The following POLE2 variants were observed in gnomAD, a reference collection of about 807,000 sequenced individuals.
POLE2 encodes the protein DNA polymerase epsilon 2, accessory subunit.
POLE2 carries 56 observed loss-of-function variants against 79.4 expected under a neutral mutation model. The ratio of observed to expected loss-of-function variants is 0.71; its 90% confidence interval spans 0.57 to 0.88. The LOEUF (loss-of-function observed/expected upper bound fraction) is 0.88, where lower values mean the gene tolerates loss of function less well. Among genes scored for constraint, POLE2 ranks in the 40% least tolerant of loss-of-function variants. The pLI is 0.00. For synonymous variants in POLE2, 212 were observed against 214.0 expected (o/e 0.99, Z 0.08); for missense variants, 598 against 638.9 (o/e 0.94, Z 0.69).
At chr14:49,685,241 C>T (rs892242965) in intron 1 of POLE2, among the ~76,000 whole-genome samples, 1 of 152,034 alleles carries the variant, frequency 6.6e-6, no homozygotes, top group Non-Finnish European at 1.5e-5. Context: ...TATTGGGTTG[C>T]TTTATTAGTT....
intron 6 of POLE2, among the ~76,000 whole-genome samples, 162 bp from the exon 7 acceptor site, chr14:49,666,575 G>C (rs1885508761): frequency 6.6e-6 from 1 of 152,038 alleles, no homozygotes; most frequent in African/African-American, 2.4e-5. Context: ...ATTAAACTTA[G>C]GATGTTTAAT....
intron 1 of POLE2, among the ~76,000 whole-genome samples, chr14:49,685,308 T>TTA (rs1170418707): frequency 6.6e-6 from 1 of 152,212 alleles, no homozygotes; most frequent in East Asian, 1.9e-4. Context: ...GAGAACTGAA[T>TTA]TATAGATAAC....
chr14:49,644,402 C>T (rs894716036), intron 18 of POLE2, among the ~76,000 whole-genome samples: 1 of 150,300 alleles, frequency 6.7e-6, no homozygotes, highest in Non-Finnish European at 1.5e-5. Context: ...CCCAGCTACT[C>T]GGGAGGTTGA....
At chr14:49,651,866 C>T (rs992891773) in intron 15 of POLE2, among the ~76,000 whole-genome samples, 2 of 152,062 alleles carry the variant, frequency 1.3e-5, no homozygotes, top group East Asian at 1.9e-4. Context: ...CCAGAGGAAG[C>T]GCACTGCAGG....
At chr14:49,657,088 G>T (rs2139630346) in intron 10 of POLE2, among the ~76,000 whole-genome samples, 1 of 150,086 alleles carries the variant, frequency 6.7e-6, no homozygotes, top group East Asian at 1.9e-4. Flanking sequence ...ACTCCAGCTT[G>T]GGCAACAAAG....
intron 3 of POLE2, chr14:49,677,566 T>A: frequency 2.1e-6 from 1 of 481,250 alleles, no homozygotes; most frequent in South Asian, 3.1e-5. Context: ...GTGCACCATC[T>A]CCTACTGAGC....
At chr14:49,663,803 C>T (rs45569243) in intron 9 of POLE2, among the ~76,000 whole-genome samples, 1,492 of 147,868 alleles carry the variant, frequency 0.01, 22 homozygotes, top group African/African-American at 0.035. Context: ...CTGAGGCGGG[C>T]GGATCACAAG....
At chr14:49,645,586 A>G (rs1648083131) in intron 18 of POLE2, among the ~76,000 whole-genome samples, 1 of 152,242 alleles carries the variant, frequency 6.6e-6, no homozygotes, top group African/African-American at 2.4e-5. Context: ...AGATAAAGGA[A>G]GCAACTATTT....
At chr14:49,656,306 A>C (rs1287236922) in intron 10 of POLE2, among the ~76,000 whole-genome samples, 2 of 150,972 alleles carry the variant, frequency 1.3e-5, no homozygotes, top group African/African-American at 4.9e-5. Flanking sequence ...CAGTGAGCCG[A>C]GATTGCGCCA....
intron 3 of POLE2, chr14:49,679,373 A>G (rs908188689): frequency 4.6e-5 from 8 of 175,052 alleles, no homozygotes; most frequent in Non-Finnish European, 8.4e-5. Flanking sequence ...ACTTCTCTGG[A>G]CATGGTACTT....
chr14:49,655,627 AC>A lies in POLE2; in HGVS notation c.928+43del, dbSNP rs201714354. 1,286 of 1,352,842 alleles carry A rather than the reference AC, an allele frequency of 9.5e-4. 15 individuals carry two copies. The East Asian group carries it at 0.017, about 18-fold the overall frequency. The allele number at this position is 1,352,842 out of a possible 1,614,324, so 83.8% of individuals were successfully genotyped here. ...ATACTCAAAAAGTTTTAAAACATGA[AC>A]CCTTAAAAGAGTTCAAGAAAGAAGA... On this transcript the variant is annotated intron_variant, in intron 11 of 18. Coordinates refer to ENST00000216367, the MANE Select transcript of POLE2 (RefSeq NM_002692.4).
At chr14:49,654,405 T>A in intron 13 of POLE2, 191 bp from the exon 14 acceptor site, 1 of 557,862 alleles carries the variant, frequency 1.8e-6, no homozygotes, top group Non-Finnish European at 3.2e-6. Context: ...AAGTTCTATA[T>A]CTGCACTGCC....
At chr14:49,670,365 T>G (rs1027761121) in intron 5 of POLE2, among the ~76,000 whole-genome samples, 1 of 143,054 alleles carries the variant, frequency 7.0e-6, no homozygotes, top group African/African-American at 2.6e-5. Context: ...GCAGAGAAAT[T>G]ATAAGAGTTA....
At chr14:49,664,493 G>C in intron 9 of POLE2, 133 bp downstream of exon 9, 2 of 689,242 alleles carry the variant, frequency 2.9e-6, no homozygotes, top group South Asian at 3.6e-5. Context: ...AACAGTCTAA[G>C]AGTTATTTTG....
chr14:49,678,100 A>G (rs1181547436), intron 3 of POLE2, among the ~76,000 whole-genome samples: 2 of 151,800 alleles, frequency 1.3e-5, no homozygotes, highest in Admixed American at 1.3e-4. Context: ...CCCGGGTTCA[A>G]GCGATTCTCC....
chr14:49,661,314 G>C (rs1885083253), intron 10 of POLE2, among the ~76,000 whole-genome samples: 1 of 152,174 alleles, frequency 6.6e-6, no homozygotes, highest in Non-Finnish European at 1.5e-5. Context: ...AGTACGGTGT[G>C]AGCCCTTAGA....
intron 17 of POLE2, among the ~76,000 whole-genome samples, chr14:49,647,652 T>A (rs1883883241): frequency 6.6e-6 from 1 of 152,014 alleles, no homozygotes; most frequent in African/African-American, 2.4e-5. Context: ...GGGACAGGGT[T>A]TCACTGTGTT....
chr14:49,674,243 A>G (rs1420994569), intron 4 of POLE2, 27 bp from the exon 5 acceptor site: 10 of 1,524,922 alleles, frequency 6.6e-6, no homozygotes, highest in Non-Finnish European at 9.1e-6. Context: ...CCTATTTTTG[A>G]CTATCATAAT....
intron 15 of POLE2, 105 bp downstream of exon 15, chr14:49,653,885 C>T: frequency 1.6e-6 from 1 of 643,064 alleles, no homozygotes; most frequent in Non-Finnish European, 2.7e-6. Context: ...AAGCAACCTG[C>T]CTGCCTCGGC....
Sources: allele counts gnomAD v4.1 joint callset (sites outside exome capture counted in the v4.1 genomes callset), GRCh38; gene constraint gnomAD v4.1.1; transcripts MANE v1.5; gene names NCBI Gene and HGNC (gene_info 2026-07-23, HGNC 2026-07-21).